The following CNTN1 variants were observed in gnomAD, a reference collection of about 807,000 sequenced individuals.
The protein encoded by CNTN1 is contactin 1.
A neutral mutation model predicts 126.4 loss-of-function variants in CNTN1; 38 were observed. The ratio of observed to expected loss-of-function variants is 0.30; its 90% CI spans 0.23 to 0.39. The LOEUF is 0.39. Among genes scored for constraint, CNTN1 ranks in the 10% least tolerant of loss-of-function variants. CNTN1 has a pLI of 1.00. For synonymous variants in CNTN1, 413 were observed against 422.6 expected, an observed-to-expected ratio of 0.98 and a Z score of 0.28; for missense variants, 1,009 against 1,248.4, an observed-to-expected ratio of 0.81 and a Z score of 2.89.
chr12:40,840,487 A>C (rs1942233330), intron 1 of CNTN1, among the ~76,000 whole-genome samples: 1 of 152,092 alleles, frequency 6.6e-6, no homozygotes, highest in Non-Finnish European at 1.5e-5. Context: ...CTTTAGTCCA[A>C]ATGGACATAA....
chr12:40,731,908 A>G (rs1435358332), intron 1 of CNTN1, among the ~76,000 whole-genome samples: 4 of 152,046 alleles, frequency 2.6e-5, no homozygotes, highest in Non-Finnish European at 5.9e-5. Flanking sequence ...TAATACAGGA[A>G]CAAAATAAGC....
chr12:40,783,010 T>G (rs557788419), intron 1 of CNTN1, among the ~76,000 whole-genome samples: 2 of 152,066 alleles, frequency 1.3e-5, no homozygotes, highest in East Asian at 1.9e-4. Flanking sequence ...GTTTTGGGGT[T>G]TCTTCTATAG....
chr12:41,064,554 G>C (rs1016157876), intron 23 of CNTN1, among the ~76,000 whole-genome samples: 2 of 152,192 alleles, frequency 1.3e-5, no homozygotes, highest in African/African-American at 2.4e-5. Context: ...TTTACATAAA[G>C]CAGTTGTTTT....
intron 20 of CNTN1, among the ~76,000 whole-genome samples, chr12:41,021,635 CTT>C (rs34166721): frequency 6.9e-4 from 91 of 132,510 alleles, no homozygotes; most frequent in Admixed American, 7.7e-4. Context: ...CAACAGGAAG[CTT>C]TTTTTTTTTT....
At chr12:40,892,928 C>T (rs544454884) in intron 1 of CNTN1, among the ~76,000 whole-genome samples, 117 of 131,820 alleles carry the variant, frequency 8.9e-4, no homozygotes, top group Non-Finnish European at 1.4e-3. Context: ...TTAATCAAAA[C>T]AAATGGAACT....
chr12:40,972,747 A>G (rs763202977), intron 15 of CNTN1: 13 of 719,554 alleles, frequency 1.8e-5, no homozygotes, highest in Non-Finnish European at 2.0e-5. Flanking sequence ...TTTAAAATCA[A>G]TTTGAGAATT....
At chr12:40,869,104 G>T in intron 1 of CNTN1, among the ~76,000 whole-genome samples, 1 of 151,240 alleles carries the variant, frequency 6.6e-6, no homozygotes, top group African/African-American at 2.4e-5. Context: ...ATTAAGGAAT[G>T]AATGTTTTGA....
intron 23 of CNTN1, among the ~76,000 whole-genome samples, chr12:41,057,764 A>AT (rs974214793): frequency 3.3e-5 from 5 of 151,750 alleles, no homozygotes; most frequent in Non-Finnish European, 5.9e-5. Flanking sequence ...TTTTGGCGTG[A>AT]TTTTTTTTAT....
At chr12:40,967,491 A>AAAAC (rs577882224) in intron 15 of CNTN1, among the ~76,000 whole-genome samples, 296 of 152,146 alleles carry the variant, frequency 1.9e-3, no homozygotes, top group African/African-American at 7.1e-3. Flanking sequence ...AAAACAAAAC[A>AAAAC]AAACAAACAA....
rs1162638589 is a variant in CNTN1, at chr12:40,698,452, G to A, written c.-77+5860G>A. ...GGGGTTTCACCGTGTTAGCGAGGAT[G>A]GTCTTGATCTCCTGACCTTGTGATC... On this transcript the variant is annotated intron_variant, in intron 1 of 23. Transcript: ENST00000551295. Among the ~76,000 whole-genome samples, 5 of 151,842 alleles carry A rather than the reference G, an allele frequency of 3.3e-5. No homozygotes were observed. In the East Asian group the frequency reaches 9.7e-4, roughly 29 times the overall value.
At chr12:40,989,634 G>A (rs2120470927) in intron 16 of CNTN1, among the ~76,000 whole-genome samples, 1 of 152,254 alleles carries the variant, frequency 6.6e-6, no homozygotes, top group Middle Eastern at 3.4e-3. Flanking sequence ...TTGAGACACT[G>A]TCCACTCTAA....
intron 1 of CNTN1, among the ~76,000 whole-genome samples, chr12:40,694,850 T>A (rs1294108465): frequency 6.6e-6 from 1 of 152,200 alleles, no homozygotes. Context: ...CATTGAAATT[T>A]CAGGTTGCTA....
chr12:40,774,413 A>C (rs556064832), intron 1 of CNTN1, among the ~76,000 whole-genome samples: 8 of 151,712 alleles, frequency 5.3e-5, no homozygotes, highest in Non-Finnish European at 1.0e-4. Flanking sequence ...AAGGGAAGAC[A>C]TCGATCTATC....
At chr12:41,047,708 T>C (rs981749946) in intron 23 of CNTN1, among the ~76,000 whole-genome samples, 2 of 152,110 alleles carry the variant, frequency 1.3e-5, no homozygotes, top group Non-Finnish European at 2.9e-5. Flanking sequence ...CCATTCTCTT[T>C]TATACTTCTT....
chr12:41,030,261 A>T (rs973022548), intron 23 of CNTN1, among the ~76,000 whole-genome samples: 3 of 152,102 alleles, frequency 2.0e-5, no homozygotes, highest in Non-Finnish European at 2.9e-5. Context: ...TAAACCAACA[A>T]AAAATCCTTT....
At chr12:40,784,571 G>A (rs769750314) in intron 1 of CNTN1, among the ~76,000 whole-genome samples, 1 of 152,038 alleles carries the variant, frequency 6.6e-6, no homozygotes, top group Non-Finnish European at 1.5e-5. Flanking sequence ...TATTCCAAGA[G>A]GATAAAGATG....
intron 23 of CNTN1, among the ~76,000 whole-genome samples, chr12:41,036,862 C>G (rs1193144763): frequency 6.6e-6 from 1 of 152,150 alleles, no homozygotes; most frequent in Non-Finnish European, 1.5e-5. Context: ...AAACTGTCAT[C>G]TAAACAGCAA....
At chr12:40,742,623 T>C (rs1334693689) in intron 1 of CNTN1, among the ~76,000 whole-genome samples, 1 of 151,932 alleles carries the variant, frequency 6.6e-6, no homozygotes, top group East Asian at 1.9e-4. Flanking sequence ...CACTGCAGCC[T>C]CAAACTTCTG....
At position 40,993,403 on chromosome 12, in the gene CNTN1, C is replaced by G. The variant is rs1948138973; in HGVS notation, c.2113+134C>G. On this transcript the variant is annotated intron_variant, in intron 17 of 23. Coordinates refer to ENST00000551295, the MANE Select transcript of CNTN1 (RefSeq NM_001843.4). ...CTGAAAAGCATGTGTGTGTATTTCACTATCAAGACAGTCAAAAATCAAAAG... is the reference window on the plus strand; with the variant it reads ...CTGAAAAGCATGTGTGTGTATTTCAGTATCAAGACAGTCAAAAATCAAAAG... 4.3e-6 allele frequency: 3 copies of G among 704,878 alleles called. No individual in the cohort carries two copies. In the African/African-American group the frequency reaches 5.4e-5, roughly 13 times the overall value. The allele number at this position is 704,878 out of a possible 1,614,324, so 43.7% of individuals were successfully genotyped here.
Sources: gnomAD v4.1 joint callset for allele counts (sites outside exome capture counted in the v4.1 genomes callset) on GRCh38, gnomAD v4.1.1 for gene constraint, MANE v1.5 for transcripts, NCBI Gene and HGNC (gene_info 2026-07-23, HGNC 2026-07-21) for gene names.